Variants in TRPM6 observed in about 807,000 individuals in gnomAD.
TRPM6 encodes channel kinase 2.
In TRPM6, 111 loss-of-function variants were observed where a neutral mutation model predicts 247.6. The observed-to-expected ratio is 0.45, with a 90% confidence interval of 0.38 to 0.52. The LOEUF is 0.52. Among genes scored for constraint, TRPM6 ranks in the 20% least tolerant of loss-of-function variants. TRPM6 has a pLI of 0.00. For synonymous variants in TRPM6, 892 were observed against 853.8 expected (o/e 1.04, Z -0.78); for missense variants, 2,126 against 2,421.5 (o/e 0.88, Z 2.56).
chr9:74,843,090 A>G (rs1047316804), intron 3 of TRPM6, among the ~76,000 whole-genome samples: 4 of 152,182 alleles, frequency 2.6e-5, no homozygotes, highest in African/African-American at 9.7e-5. Context: ...GTCATATTCT[A>G]AATCCTTTGT....
At position 74,788,704 on chromosome 9, in the gene TRPM6, G is replaced by A. The variant is rs763808801; in HGVS notation, c.2577C>T (p.Thr859=). ...GCTGGGGCTGCATCTCCACCAACAC[G>A]GTGTAAGTGAACAGCATGAGGAATG... ...YLAFLMLFTY[T]VLVEMQPQPS... is the part of the protein sequence containing the mutation. Residue 859 remains threonine (T), a synonymous_variant, in exon 20 of 39, where the codon ACC becomes ACT. Coordinates refer to ENST00000360774, the MANE Select transcript of TRPM6 (RefSeq NM_017662.5). 8.7e-6 allele frequency: 14 copies of A among 1,613,954 alleles called. No individual in the cohort carries two copies. In the African/African-American group the frequency reaches 1.5e-4, roughly 17 times the overall value.
At chr9:74,866,464 T>G (rs554597803) in intron 1 of TRPM6, among the ~76,000 whole-genome samples, 37 of 152,034 alleles carry the variant, frequency 2.4e-4, no homozygotes, top group Middle Eastern at 3.4e-3. Flanking sequence ...TTGATTTTTT[T>G]GGGGGGGTTT....
chr9:74,820,512 C>G, intron 8 of TRPM6, 85 bp from the exon 9 acceptor site: 1 of 1,528,086 alleles, frequency 6.5e-7, no homozygotes. Flanking sequence ...CCCATCAGCT[C>G]CCCAGACTGA....
At chr9:74,869,796 G>A (rs879471974) in intron 1 of TRPM6, among the ~76,000 whole-genome samples, 6 of 152,156 alleles carry the variant, frequency 3.9e-5, no homozygotes, top group Non-Finnish European at 7.3e-5. Flanking sequence ...TAGAGATCTC[G>A]GAGAGCGGTG....
chr9:74,738,316 G>T, intron 36 of TRPM6, 91 bp downstream of exon 36: 2 of 1,340,112 alleles, frequency 1.5e-6, no homozygotes, highest in Non-Finnish European at 2.1e-6. Flanking sequence ...GCTAAATAGA[G>T]CAACTCCATA....
chr9:74,730,174 C>T (rs1428741683), intron 37 of TRPM6, among the ~76,000 whole-genome samples: 1 of 152,148 alleles, frequency 6.6e-6, no homozygotes, highest in Non-Finnish European at 1.5e-5. Context: ...CAGGTGGTAG[C>T]TTGGTTCCAC....
Position 74,867,829 on chromosome 9 carries a change from G to T in TRPM6, c.34-9081C>A, listed in dbSNP as rs142950438. ...TGAAAAGAAAAATTGATACCTCTAAGAATAATAGGTTTATTCATTCATTTA... is the reference window on the plus strand; with the variant it reads ...TGAAAAGAAAAATTGATACCTCTAATAATAATAGGTTTATTCATTCATTTA... On this transcript the variant is annotated intron_variant, in intron 1 of 38. Coordinates refer to ENST00000360774, the MANE Select transcript of TRPM6 (RefSeq NM_017662.5). 2.2e-3 allele frequency among the ~76,000 whole-genome samples: 324 copies of T among 150,052 alleles called. 4 individuals are homozygous for T. The highest frequency in any genetic ancestry group is 7.5e-3 in the African/African-American group (309 of 41,334).
chr9:74,831,111 A>G (rs1157304430), intron 6 of TRPM6, among the ~76,000 whole-genome samples: 1 of 152,210 alleles, frequency 6.6e-6, no homozygotes, highest in Non-Finnish European at 1.5e-5. Context: ...TAATAGAGGA[A>G]TCATTGATTC....
At chr9:74,747,125 A>C (rs2118769715) in intron 31 of TRPM6, among the ~76,000 whole-genome samples, 1 of 152,352 alleles carries the variant, frequency 6.6e-6, no homozygotes, top group Admixed American at 6.5e-5. Context: ...GTGGAGTTTC[A>C]GAAAAGTGAT....
intron 14 of TRPM6, among the ~76,000 whole-genome samples, chr9:74,806,050 G>A (rs1470375759): frequency 1.3e-5 from 2 of 151,938 alleles, no homozygotes; most frequent in African/African-American, 2.4e-5. Context: ...ATTTTCCTAA[G>A]TACATTTCAT....
chr9:74,747,806 G>T, intron 31 of TRPM6, 83 bp downstream of exon 31: 2 of 1,177,132 alleles, frequency 1.7e-6, no homozygotes, highest in Non-Finnish European at 1.2e-6. Context: ...TTTCAAGAAT[G>T]ACAAAAATAT....
chr9:74,881,220 A>C (rs773927372), intron 1 of TRPM6, among the ~76,000 whole-genome samples: 1 of 152,210 alleles, frequency 6.6e-6, no homozygotes, highest in Non-Finnish European at 1.5e-5. Context: ...TATAGACTGA[A>C]AGTAAAGGAA....
chr9:74,729,195 G>A (rs937571216), intron 37 of TRPM6, among the ~76,000 whole-genome samples: 1 of 152,150 alleles, frequency 6.6e-6, no homozygotes, highest in Admixed American at 6.5e-5. Flanking sequence ...GACATGCAGA[G>A]TGGAAACAGC....
chr9:74,815,618 G>A (rs1468196122), intron 11 of TRPM6, among the ~76,000 whole-genome samples: 1 of 151,986 alleles, frequency 6.6e-6, no homozygotes, highest in Non-Finnish European at 1.5e-5. Context: ...GAAGGAAACT[G>A]GTCCACATTG....
chr9:74,882,345 G>GAAA (rs1831389069), intron 1 of TRPM6, among the ~76,000 whole-genome samples: 1 of 152,140 alleles, frequency 6.6e-6, no homozygotes, highest in Non-Finnish European at 1.5e-5. Context: ...GAAAATATCT[G>GAAA]CAAACTATTT....
intron 30 of TRPM6, among the ~76,000 whole-genome samples, chr9:74,749,299 A>C (rs1826159627): frequency 1.3e-5 from 2 of 152,362 alleles, no homozygotes; most frequent in Middle Eastern, 6.8e-3. Context: ...TCAATAAAGA[A>C]GTAACTTTTC....
intron 25 of TRPM6, among the ~76,000 whole-genome samples, chr9:74,769,489 T>G (rs1049135994): frequency 2.0e-5 from 3 of 152,058 alleles, no homozygotes; most frequent in Admixed American, 2.0e-4. Flanking sequence ...CCTGGCATGG[T>G]GGCTCATGCC....
Position 74,756,008 on chromosome 9 carries a change from A to G in TRPM6, c.4786-535T>C, listed in dbSNP as rs369229985. On this transcript the variant is annotated intron_variant, in intron 27 of 38. Transcript: ENST00000360774. The stretch of plus-strand genomic sequence containing the variant: ...TTACTAAAATAATAGATAGCCAATA[A>G]TATGACCGTCCTATATACTTCCGAG... Among the ~76,000 whole-genome samples the G allele has an allele frequency of 4.6e-5, 7 of 152,184 alleles. No homozygotes were observed. In the East Asian group the frequency reaches 9.6e-4, roughly 21 times the overall value.
intron 3 of TRPM6, among the ~76,000 whole-genome samples, chr9:74,843,167 T>A (rs930120505): frequency 6.6e-6 from 1 of 152,212 alleles, no homozygotes; most frequent in African/African-American, 2.4e-5. Flanking sequence ...TCTTTATTCA[T>A]CCATAAGAAG....
Sources: gnomAD v4.1 joint callset for allele counts (sites outside exome capture counted in the v4.1 genomes callset) on GRCh38, gnomAD v4.1.1 for gene constraint, MANE v1.5 for transcripts, NCBI Gene and HGNC (gene_info 2026-07-23, HGNC 2026-07-21) for gene names.